Variants in COL4A5 observed in about 807,000 individuals in gnomAD.
COL4A5 encodes collagen type IV alpha 5 chain, also known as collagen alpha-5(IV) chain.
Under a neutral mutation model 130.2 loss-of-function variants are expected in COL4A5, and 26 were observed. The ratio of observed to expected loss-of-function variants is 0.20; its 90% CI spans 0.15 to 0.28. The LOEUF (loss-of-function observed/expected upper bound fraction) is 0.28. COL4A5 is among the 10% of genes least tolerant of loss of function. The pLI is 1.00. For missense variants in COL4A5, 1,131 were observed against 1,344.3 expected, an observed-to-expected ratio of 0.84 and a Z score of 2.48; for synonymous variants, 496 against 439.6, an observed-to-expected ratio of 1.13 and a Z score of -1.60.
intron 36 of COL4A5, among the ~76,000 whole-genome samples, chrX:108,633,681 G>C (rs772963152): frequency 4.5e-5 from 5 of 110,967 alleles, no homozygotes; most frequent in Admixed American, 9.6e-5. Flanking sequence ...ACAAGCAAGA[G>C]GTTAGCTTTT....
At chrX:108,473,633 A>ATATATATATATATATTTTTTTT in intron 1 of COL4A5, among the ~76,000 whole-genome samples, 1 of 34,560 alleles carries the variant, frequency 2.9e-5, no homozygotes, top group Non-Finnish European at 6.0e-5. Context: ...ATATATATAT[A>ATATATATATATATATTTTTTTT]TTTTTTTTTT....
chrX:108,677,076 C>A (rs1333485890), intron 43 of COL4A5: 1 of 113,729 alleles, frequency 8.8e-6, no homozygotes, highest in African/African-American at 3.2e-5. Flanking sequence ...CTTACGGAAT[C>A]CAAAACTCTT....
chrX:108,560,693 C>G (rs757814190), intron 3 of COL4A5, among the ~76,000 whole-genome samples: 2 of 112,125 alleles, frequency 1.8e-5, no homozygotes, highest in African/African-American at 6.5e-5. Context: ...TATCTCTTAT[C>G]AATGTCCTAT....
At chrX:108,577,880 T>C (rs2066179172) in intron 10 of COL4A5, 72 bp from the exon 11 acceptor site, 5 of 908,606 alleles carry the variant, frequency 5.5e-6, no homozygotes, top group South Asian at 2.4e-5. Context: ...TTACTCTTTC[T>C]GAAACTAAAT....
Position 108,581,040 on chromosome X carries a change from G to A in COL4A5, c.936+13G>A. The A allele has an allele frequency of 1.7e-6, 2 of 1,199,636 alleles. No homozygotes were observed. The highest frequency in any genetic ancestry group is 1.1e-6 in the Non-Finnish European group (1 of 884,625). On this transcript the variant is annotated intron_variant, in intron 16 of 52. Coordinates refer to ENST00000328300, the MANE Select transcript of COL4A5 (RefSeq NM_033380.3). ...ACCAGGAATTCCTGTAAGTAGCTAAGGTTCTTTCCCCCTGCAAAACTGGAG... is the reference window on the plus strand; with the variant it reads ...ACCAGGAATTCCTGTAAGTAGCTAAAGTTCTTTCCCCCTGCAAAACTGGAG...
chrX:108,440,143 C>T lies in COL4A5; in HGVS notation c.18C>T (p.Val6=). 8.3e-7 allele frequency: 1 copy of T among 1,208,814 alleles called. No homozygotes were observed. Among genetic ancestry groups the T allele is most frequent in the Non-Finnish European group, 1.1e-6 (1 of 894,303 alleles). The part of the protein sequence containing the change: MKLRG[V]SLAAGLFLLA... The stretch of plus-strand genomic sequence containing the variant: ...GGAGAAGAATGAAACTGCGTGGAGT[C>T]AGCCTGGCTGCCGGCTTGTTCTTAC... The change falls in exon 1 of 53, where the codon GTC becomes GTT. Residue 6 remains valine (V), a synonymous_variant. Transcript: ENST00000328300.
chrX:108,694,826 C>T lies in COL4A5; in HGVS notation c.4726C>T (p.Pro1576Ser), dbSNP rs747041833. 1.7e-6 allele frequency: 2 copies of T among 1,208,414 alleles called. No homozygotes were observed. Among genetic ancestry groups the T allele is most frequent in the East Asian group, 5.9e-5 (2 of 33,802 alleles). ...TACCAGATGTGCAGTATGTGAAGCTCCAGCTGTGGTGATCGCAGTTCACAG... is the reference window on the plus strand; with the variant it reads ...TACCAGATGTGCAGTATGTGAAGCTTCAGCTGTGGTGATCGCAGTTCACAG... Reference protein sequence around the residue: ...FISRCAVCEAPAVVIAVHSQT... With the variant: ...FISRCAVCEASAVVIAVHSQT... Residue 1576 changes from proline (P) to serine (S), a missense_variant, in exon 51 of 53, where the codon CCA becomes TCA. By Grantham distance (74) the Pro-to-Ser change is moderately conservative. Transcript: ENST00000328300.
rs2066267720 is a variant in COL4A5 at position 108,582,534 on chromosome X, G to A, written c.937-350G>A. ...CTGCTAGGCTGCTGGTTTTCACCTT[G>A]ATTGTGAGGAGAGGTGGTGTGAATA... On this transcript the variant is annotated intron_variant, in intron 16 of 52. Transcript: ENST00000328300. 2.2e-5 allele frequency: 4 copies of A among 181,971 alleles called. No individual in the cohort carries two copies. The South Asian group carries it at 4.9e-4, about 23-fold the overall frequency. The allele number at this position is 181,971 out of a possible 1,213,427, so 15.0% of individuals were successfully genotyped here. A position where few individuals can be genotyped will look rare whatever the true frequency, so the allele number is the denominator to read the frequency against.
chrX:108,679,097 T>A (rs976284807), intron 44 of COL4A5, among the ~76,000 whole-genome samples: 1 of 111,999 alleles, frequency 8.9e-6, no homozygotes, highest in African/African-American at 3.2e-5. Context: ...GATAAGGAGG[T>A]CCATGATGTC....
chrX:108,557,591 T>C (rs2065840516), intron 2 of COL4A5, among the ~76,000 whole-genome samples: 1 of 111,874 alleles, frequency 8.9e-6, no homozygotes, highest in African/African-American at 3.2e-5. Flanking sequence ...TGTTGAATTA[T>C]TCAGCATAAA....
intron 45 of COL4A5, 51 bp downstream of exon 45, chrX:108,680,802 C>A (rs759585688): frequency 8.5e-7 from 1 of 1,181,802 alleles, no homozygotes; most frequent in Non-Finnish European, 1.2e-6. Context: ...TCCTCTGGGA[C>A]AAGATAGCCA....
intron 36 of COL4A5, among the ~76,000 whole-genome samples, chrX:108,635,854 T>G (rs1301533921): frequency 8.9e-6 from 1 of 112,477 alleles, no homozygotes; most frequent in African/African-American, 3.2e-5. Context: ...CTACTATCTA[T>G]CCTAAGCAAA....
At position 108,648,658 on chromosome X, in the gene COL4A5, T is replaced by A. The variant is rs1239071683; in HGVS notation, c.3247-6673T>A. Among the ~76,000 whole-genome samples the A allele has an allele frequency of 1.7e-4, 19 of 111,604 alleles. No individual in the cohort carries two copies. The Admixed American group carries it at 1.8e-3, about 11-fold the overall frequency. ...AAAGTCACACGATCATTTCTATAGATGCAGAAAAAAAACATTCAACAAAAT... is the reference window on the plus strand; with the variant it reads ...AAAGTCACACGATCATTTCTATAGAAGCAGAAAAAAAACATTCAACAAAAT... On this transcript the variant is annotated intron_variant, in intron 36 of 52. Transcript: ENST00000328300.
chrX:108,669,336 C>T (rs1416637800), intron 41 of COL4A5, among the ~76,000 whole-genome samples: 1 of 112,053 alleles, frequency 8.9e-6, no homozygotes, highest in Admixed American at 9.5e-5. Context: ...CTTTGAAAGT[C>T]TCTGACATTA....
At chrX:108,687,232 C>G (rs1260463944) in intron 48 of COL4A5, among the ~76,000 whole-genome samples, 1 of 112,167 alleles carries the variant, frequency 8.9e-6, no homozygotes, top group Non-Finnish European at 1.9e-5. Flanking sequence ...ATGAACAAAA[C>G]AGCAGGCTGA....
chrX:108,627,723 T>A, intron 36 of COL4A5: 1 of 288,250 alleles, frequency 3.5e-6, no homozygotes, highest in Non-Finnish European at 4.7e-6. Context: ...CCTTTTTACA[T>A]GTTTGCAAAC....
At chrX:108,642,566 G>A (rs2067491290) in intron 36 of COL4A5, among the ~76,000 whole-genome samples, 1 of 111,143 alleles carries the variant, frequency 9.0e-6, no homozygotes, top group Admixed American at 9.6e-5. Context: ...ACAGGACTTT[G>A]TGCAGACAAT....
At chrX:108,529,882 A>G (rs183655863) in intron 1 of COL4A5, among the ~76,000 whole-genome samples, 77 of 111,455 alleles carry the variant, frequency 6.9e-4, no homozygotes, top group Non-Finnish European at 1.7e-4. Context: ...ATATATATGC[A>G]CCCCATACTG....
intron 2 of COL4A5, among the ~76,000 whole-genome samples, chrX:108,548,478 T>G (rs758481686): frequency 8.2e-5 from 9 of 110,360 alleles, no homozygotes; most frequent in African/African-American, 3.0e-4. Flanking sequence ...TGTGACAGTG[T>G]CAAATGGTCT....
Sources: allele counts gnomAD v4.1 joint callset (sites outside exome capture counted in the v4.1 genomes callset), GRCh38; gene constraint gnomAD v4.1.1; transcripts MANE v1.5; gene names NCBI Gene and HGNC (gene_info 2026-07-23, HGNC 2026-07-21).